Variants in VANGL2 observed in about 807,000 individuals in gnomAD.
VANGL2 encodes the protein VANGL planar cell polarity protein 2.
VANGL2 carries 14 observed loss-of-function variants against 50.2 expected under a neutral mutation model. That is an observed-to-expected ratio of 0.28 (90% CI 0.18 to 0.44). VANGL2 has a LOEUF of 0.44. Among genes scored for constraint, VANGL2 ranks in the 20% least tolerant of loss-of-function variants. VANGL2 has a pLI of 1.00. For synonymous variants in VANGL2, 295 were observed against 297.2 expected (o/e 0.99, Z 0.08); for missense variants, 533 against 701.5 (o/e 0.76, Z 2.71).
intron 7 of VANGL2, among the ~76,000 whole-genome samples, chr1:160,424,915 A>ACTCCG (rs761562376): frequency 6.6e-6 from 1 of 152,028 alleles, no homozygotes; most frequent in Non-Finnish European, 1.5e-5. Context: ...CCCCCTGTGC[A>ACTCCG]CTCCGGCTTC....
chr1:160,410,892 C>G (rs1650860980), intron 1 of VANGL2, among the ~76,000 whole-genome samples: 1 of 152,064 alleles, frequency 6.6e-6, no homozygotes, highest in African/African-American at 2.4e-5. Flanking sequence ...TCCATAACCT[C>G]CCTCCCTTTG....
chr1:160,417,081 G>C (rs1017164757), intron 3 of VANGL2, among the ~76,000 whole-genome samples: 5 of 152,152 alleles, frequency 3.3e-5, no homozygotes, highest in Non-Finnish European at 7.4e-5. Flanking sequence ...ACCTGCTACT[G>C]GGGAGGAGAT....
Position 160,425,100 on chromosome 1 carries a change from C to A in VANGL2, c.1306-18C>A. On this transcript the variant is annotated intron_variant, in intron 7 of 7. Transcript: ENST00000368061. ...TAGATGACAGAGATTCTTATGCAGC[C>A]CCTTCTTTCCACTTCAGGCCTTCTT... The A allele has an allele frequency of 1.2e-6, 2 of 1,613,916 alleles. No individual in the cohort carries two copies. Among genetic ancestry groups the A allele is most frequent in the East Asian group, 4.5e-5 (2 of 44,880 alleles).
At chr1:160,412,581 G>A (rs531054980) in intron 1 of VANGL2, among the ~76,000 whole-genome samples, 2 of 152,238 alleles carry the variant, frequency 1.3e-5, no homozygotes, top group East Asian at 3.9e-4. Flanking sequence ...CATTTTTGCT[G>A]CAAAGTTTTT....
intron 1 of VANGL2, among the ~76,000 whole-genome samples, chr1:160,404,622 A>G (rs1449158710): frequency 6.6e-6 from 1 of 152,104 alleles, no homozygotes; most frequent in East Asian, 1.9e-4. Context: ...CTATGGATGT[A>G]CCTATTCTGG....
chr1:160,425,480 C>G lies in VANGL2; in HGVS notation c.*102C>G. 1.0e-6 allele frequency: 1 copy of G among 983,278 alleles called. No homozygotes were observed. The highest frequency in any genetic ancestry group is 1.4e-6 in the Non-Finnish European group (1 of 725,258). 60.9% of individuals were successfully genotyped at this position (983,278 alleles called of 1,614,324 possible). ...CCACATTCCTGCCACCCTTCTTCTT[C>G]TTGCTCTTTTTTTTTTACTTGAATT... On this transcript the variant is annotated 3_prime_UTR_variant, in exon 8 of 8. Transcript: ENST00000368061.
In VANGL2 at chr1:160,427,195, CTT is replaced by C. The variant is rs1233514864; in HGVS notation, c.*1819_*1820del. ...CTGTCTCTTTTCTTCTCTTCAAAAA[CTT>C]TGTGTCAGAGAGTCCCTTCTGAGTC... On this transcript the variant is annotated 3_prime_UTR_variant, in exon 8 of 8. Transcript: ENST00000368061. The C allele has an allele frequency of 2.6e-5, 4 of 152,690 alleles. No homozygotes were observed. Among genetic ancestry groups the C allele is most frequent in the Non-Finnish European group, 5.9e-5 (4 of 68,092 alleles). The allele number at this position is 152,690 out of a possible 1,614,324, so 9.5% of individuals were successfully genotyped here.
intron 1 of VANGL2, among the ~76,000 whole-genome samples, chr1:160,411,409 C>G (rs541229028): frequency 1.3e-5 from 2 of 152,122 alleles, no homozygotes; most frequent in South Asian, 4.2e-4. Flanking sequence ...CCCATCTCTT[C>G]CCTGGGAACG....
chr1:160,408,325 G>A (rs1297239860), intron 1 of VANGL2, among the ~76,000 whole-genome samples: 3 of 152,042 alleles, frequency 2.0e-5, no homozygotes, highest in East Asian at 1.9e-4. Context: ...GTGTGTTTGC[G>A]GATTTAGAGG....
At chr1:160,415,155 T>C (rs560654771) in intron 1 of VANGL2, among the ~76,000 whole-genome samples, 7 of 152,166 alleles carry the variant, frequency 4.6e-5, no homozygotes, top group African/African-American at 1.7e-4. Context: ...AGCAGCCCAC[T>C]GTGGGCACAC....
In VANGL2 at chr1:160,419,469, G is replaced by A; in HGVS notation, c.660G>A (p.Val220=). ...RSYQGVVQFA[V]SLVDALLFVH... ...ACCAGGGCGTGGTGCAGTTCGCCGT[G>A]TCGCTGGTGGACGCCCTTCTTTTCG... is the stretch of plus-strand genomic sequence containing the variant. Residue 220 remains valine, a synonymous_variant, in exon 4 of 8, where the codon GTG becomes GTA. Coordinates refer to ENST00000368061, the MANE Select transcript of VANGL2 (RefSeq NM_020335.3). This position sits in a 1 kb window ranked among gnomAD's most constrained non-coding sequence, Gnocchi z 5.8. 1.9e-6 allele frequency: 3 copies of A among 1,608,160 alleles called. No homozygotes were observed. The highest frequency in any genetic ancestry group is 2.5e-6 in the Non-Finnish European group (3 of 1,180,008).
At chr1:160,418,749 A>G (rs1194767043) in intron 3 of VANGL2, among the ~76,000 whole-genome samples, 1 of 152,012 alleles carries the variant, frequency 6.6e-6, no homozygotes, top group Non-Finnish European at 1.5e-5. Context: ...TCTCTCACTG[A>G]CCAGTGTCCA....
intron 1 of VANGL2, among the ~76,000 whole-genome samples, chr1:160,407,256 G>A (rs984543158): frequency 3.3e-5 from 5 of 152,116 alleles, no homozygotes; most frequent in Non-Finnish European, 7.4e-5. Flanking sequence ...GGTGGAGGCC[G>A]GCTGGTACTT....
intron 1 of VANGL2, among the ~76,000 whole-genome samples, chr1:160,405,693 C>T (rs748280667): frequency 2.6e-5 from 4 of 151,988 alleles, no homozygotes; most frequent in East Asian, 3.9e-4. Context: ...CTTCCCCTGC[C>T]GCTCCACACA....
intron 1 of VANGL2, among the ~76,000 whole-genome samples, chr1:160,414,740 A>ATGGCTGT (rs1483715965): frequency 6.9e-6 from 1 of 144,692 alleles, no homozygotes; most frequent in Non-Finnish European, 1.5e-5. Flanking sequence ...GTGGATGGTG[A>ATGGCTGT]TGGCTGTTAG....
intron 1 of VANGL2, among the ~76,000 whole-genome samples, chr1:160,409,863 G>A (rs542017224): frequency 6.6e-6 from 1 of 152,196 alleles, no homozygotes; most frequent in East Asian, 1.9e-4. Context: ...AGCACTTTGA[G>A]TGGAACTTAT....
intron 1 of VANGL2, among the ~76,000 whole-genome samples, chr1:160,410,337 GCT>G (rs997710635): frequency 2.0e-5 from 3 of 152,126 alleles, no homozygotes; most frequent in Admixed American, 6.5e-5. Context: ...TACATGTTTT[GCT>G]CTGTCCCTGC....
intron 1 of VANGL2, among the ~76,000 whole-genome samples, chr1:160,409,183 C>A (rs1042479858): frequency 6.6e-6 from 1 of 152,198 alleles, no homozygotes; most frequent in Admixed American, 6.5e-5. Flanking sequence ...GAACCAGTGT[C>A]CAGAGCAGTC....
rs1365827075 is a variant in VANGL2, at chr1:160,409,737, G to A, written c.-190-5911G>A. 2.0e-5 allele frequency among the ~76,000 whole-genome samples: 3 copies of A among 152,192 alleles called. No homozygotes were observed. In the East Asian group the frequency reaches 5.8e-4, roughly 29 times the overall value. ...CCTTGCACTGGCCTTAGGCCTTGGTGAGGTACTCTGACTGTACTCTGAGCT... is the reference window on the plus strand; with the variant it reads ...CCTTGCACTGGCCTTAGGCCTTGGTAAGGTACTCTGACTGTACTCTGAGCT... On this transcript the variant is annotated intron_variant, in intron 1 of 7. Coordinates refer to ENST00000368061, the MANE Select transcript of VANGL2 (RefSeq NM_020335.3).
Sources: gnomAD v4.1 joint callset for allele counts (sites outside exome capture counted in the v4.1 genomes callset) on GRCh38, gnomAD v4.1.1 for gene constraint, Gnocchi (gnomAD v3.1) non-coding constraint, MANE v1.5 for transcripts, NCBI Gene and HGNC (gene_info 2026-07-23, HGNC 2026-07-21) for gene names.